Variants in IL1RN observed in about 807,000 individuals in gnomAD.
IL1RN encodes the protein interleukin 1 receptor antagonist, also known as interleukin-1 receptor antagonist protein.
Under a neutral mutation model 13.7 loss-of-function variants are expected in IL1RN, and 10 were observed. The ratio of observed to expected loss-of-function variants is 0.73; its 90% CI spans 0.45 to 1.24. The LOEUF (loss-of-function observed/expected upper bound fraction) is 1.24, where lower values mean the gene tolerates loss of function less well. Among genes scored for constraint, IL1RN ranks in the 50% most tolerant of loss-of-function variants. The probability of loss-of-function intolerance (pLI) is 0.00; values close to 1 mark genes in which losing one functional copy is unlikely to be tolerated. For synonymous variants in IL1RN, 102 were observed against 82.7 expected (o/e 1.23, Z -1.27); for missense variants, 213 against 222.1 (o/e 0.96, Z 0.26).
intron 2 of IL1RN, chr2:113,130,207 A>G: frequency 6.0e-6 from 1 of 166,712 alleles, no homozygotes; most frequent in South Asian, 1.5e-4. Flanking sequence ...TTTTAGTTCC[A>G]GCCTTCCAGG....
chr2:113,106,220 A>T (rs1385408527), upstream of IL1RN, among the ~76,000 whole-genome samples: 3 of 152,258 alleles, frequency 2.0e-5, no homozygotes, highest in African/African-American at 7.2e-5. Flanking sequence ...GTGATAAAAT[A>T]AGCAAAGGGT....
In IL1RN at chr2:113,133,491, C is replaced by CT. The variant is rs1221506997; in HGVS notation, c.*627dup. On this transcript the variant is annotated 3_prime_UTR_variant, in exon 4 of 4. Transcript: ENST00000409930. ...TGGTAGCTTTTCCCTTCTTTTTCTT[C>CT]TTTTTTTGTGATGTCCCAACTTGTA... 3.2e-5 allele frequency: 5 copies of CT among 157,076 alleles called. No homozygotes were observed. The highest frequency in any genetic ancestry group is 3.1e-4 in the Admixed American group (5 of 16,324). 9.7% of individuals were successfully genotyped at this position (157,076 alleles called of 1,614,324 possible). A position where few individuals can be genotyped will look rare whatever the true frequency, so the allele number is the denominator to read the frequency against.
At chr2:113,112,775 G>T (rs182626856) in intron 1 of IL1RN, among the ~76,000 whole-genome samples, 1 of 152,272 alleles carries the variant, frequency 6.6e-6, no homozygotes, top group Non-Finnish European at 1.5e-5. Flanking sequence ...TTTTCTGGAG[G>T]TGTGAAGACT....
intron 2 of IL1RN, among the ~76,000 whole-genome samples, chr2:113,121,230 G>A (rs991763009): frequency 6.6e-6 from 1 of 152,202 alleles, no homozygotes; most frequent in Admixed American, 6.5e-5. Context: ...TCCATAGACA[G>A]AGTAGCCTGA....
chr2:113,129,858 G>C, intron 2 of IL1RN, 194 bp downstream of exon 2: 1 of 596,104 alleles, frequency 1.7e-6, no homozygotes. Context: ...AGAGGGTGTG[G>C]AGAGGTAGAG....
At chr2:113,099,795 C>T in the IL1RN span, among the ~76,000 whole-genome samples, 2 of 118,512 alleles carry the variant, frequency 1.7e-5, no homozygotes, top group African/African-American at 6.6e-5. Flanking sequence ...AGTGCAGTGG[C>T]GGGATCTCGG....
At chr2:113,117,751 G>A, upstream of IL1RN, 1 of 587,872 alleles carries the variant, frequency 1.7e-6, no homozygotes, top group Non-Finnish European at 3.0e-6. Flanking sequence ...GCTAGCCTGA[G>A]TCACCCTCCT....
upstream of IL1RN, among the ~76,000 whole-genome samples, chr2:113,116,421 G>A (rs1686594237): frequency 6.6e-6 from 1 of 151,764 alleles, no homozygotes; most frequent in Admixed American, 6.6e-5. Flanking sequence ...TTACATCTTG[G>A]TGAGCCAAGG....
intron 2 of IL1RN, among the ~76,000 whole-genome samples, chr2:113,122,372 C>A (rs548176024): frequency 6.6e-6 from 1 of 152,094 alleles, no homozygotes; most frequent in Admixed American, 6.6e-5. Context: ...AGACAATTTC[C>A]CTTTAGAAGG....
chr2:113,121,020 C>G, intron 2 of IL1RN, among the ~76,000 whole-genome samples: 1 of 102,934 alleles, frequency 9.7e-6, no homozygotes, highest in Non-Finnish European at 2.1e-5. Context: ...TCCTCCTTCT[C>G]CTCTTCTTCT....
At chr2:113,107,798 C>T (rs1216918198), upstream of IL1RN, among the ~76,000 whole-genome samples, 9 of 152,278 alleles carry the variant, frequency 5.9e-5, no homozygotes, top group East Asian at 1.7e-3. Flanking sequence ...TCTGGATAAA[C>T]AGTGAATGAG....
intron 2 of IL1RN, among the ~76,000 whole-genome samples, chr2:113,122,438 A>G (rs191939727): frequency 4.6e-5 from 7 of 152,240 alleles, no homozygotes; most frequent in Non-Finnish European, 1.5e-5. Flanking sequence ...AATGGTGTAT[A>G]TGTCTCCCCA....
chr2:113,113,301 G>A (rs1194353121), upstream of IL1RN, among the ~76,000 whole-genome samples: 2 of 152,162 alleles, frequency 1.3e-5, no homozygotes, highest in Non-Finnish European at 2.9e-5. Context: ...GAATTATGCT[G>A]AGTGAAATAA....
the IL1RN span, among the ~76,000 whole-genome samples, chr2:113,100,325 CAA>C: frequency 3.8e-5 from 3 of 78,566 alleles, no homozygotes; most frequent in Non-Finnish European, 2.5e-5. Context: ...GACTCCGTCT[CAA>C]AAAAAAAAAA....
chr2:113,123,528 G>A (rs1686852606), upstream of IL1RN, among the ~76,000 whole-genome samples: 1 of 152,162 alleles, frequency 6.6e-6, no homozygotes, highest in Admixed American at 6.5e-5. Flanking sequence ...TCCTGCTAGG[G>A]TAGAGGTTAC....
At chr2:113,119,806 C>G (rs1436152467) in intron 1 of IL1RN, among the ~76,000 whole-genome samples, 1 of 152,118 alleles carries the variant, frequency 6.6e-6, no homozygotes, top group Non-Finnish European at 1.5e-5. Context: ...ACCATGTTCC[C>G]TGGGTAGAGG....
chr2:113,120,433 T>A, intron 2 of IL1RN, among the ~76,000 whole-genome samples: 1 of 152,126 alleles, frequency 6.6e-6, no homozygotes, highest in Non-Finnish European at 1.5e-5. Flanking sequence ...AACACTACAC[T>A]GGCAGGGTAC....
At chr2:113,116,306 G>A (rs367785369), upstream of IL1RN, among the ~76,000 whole-genome samples, 4 of 152,202 alleles carry the variant, frequency 2.6e-5, no homozygotes, top group Admixed American at 6.5e-5. Flanking sequence ...TGACATTTAC[G>A]AAGTTTCCAG....
At chr2:113,123,441 C>T (rs920170642), upstream of IL1RN, among the ~76,000 whole-genome samples, 1 of 152,152 alleles carries the variant, frequency 6.6e-6, no homozygotes, top group East Asian at 1.9e-4. Flanking sequence ...AGGGAGGGTC[C>T]CTGATAATCC....
Sources: gnomAD v4.1 joint callset for allele counts (sites outside exome capture counted in the v4.1 genomes callset) on GRCh38, gnomAD v4.1.1 for gene constraint, MANE v1.5 for transcripts, NCBI Gene and HGNC (gene_info 2026-07-23, HGNC 2026-07-21) for gene names.